SLC45A2: variants seen among roughly 807,000 people sequenced by gnomAD.
SLC45A2 encodes the protein membrane-associated transporter protein.
Under a neutral mutation model 45.5 loss-of-function variants are expected in SLC45A2, and 36 were observed. That is an observed-to-expected ratio of 0.79 (90% CI 0.61 to 1.04). The LOEUF is 1.04. SLC45A2 is among the 50% of genes least tolerant of loss of function. The pLI, the probability that SLC45A2 is intolerant of heterozygous loss-of-function variation, is 0.00. For missense variants in SLC45A2, 719 were observed against 671.0 expected (o/e 1.07, Z -0.79); for synonymous variants, 306 against 269.3 (o/e 1.14, Z -1.33).
chr5:33,971,199 AG>A, intron 2 of SLC45A2: 1 of 529,908 alleles, frequency 1.9e-6, no homozygotes, highest in Admixed American at 2.0e-5. Flanking sequence ...ATTTACCAAG[AG>A]AGGTGGAGCC....
chr5:33,949,851 C>A (rs1005574266), intron 5 of SLC45A2, among the ~76,000 whole-genome samples: 1 of 151,400 alleles, frequency 6.6e-6, no homozygotes, highest in Non-Finnish European at 1.5e-5. Flanking sequence ...TAGGAGTTCC[C>A]TGAGGAAAAA....
At chr5:33,953,211 G>A (rs1264457159) in intron 4 of SLC45A2, among the ~76,000 whole-genome samples, 5 of 146,852 alleles carry the variant, frequency 3.4e-5, no homozygotes, top group Non-Finnish European at 7.5e-5. Flanking sequence ...TATATACCCA[G>A]TAATGGGATG....
At chr5:33,982,141 CA>C (rs1419642572) in intron 2 of SLC45A2, 94 bp downstream of exon 2, 3 of 1,450,126 alleles carry the variant, frequency 2.1e-6, no homozygotes, top group Non-Finnish European at 2.9e-6. Context: ...CCCGTTCATT[CA>C]AAAAACTCCA....
In SLC45A2 at chr5:33,984,314, C is replaced by G. The variant is rs781431070; in HGVS notation, c.270G>C (p.Ser90=). 2.5e-6 allele frequency: 4 copies of G among 1,613,992 alleles called. No individual in the cohort carries two copies. The highest frequency in any genetic ancestry group is 3.4e-6 in the Non-Finnish European group (4 of 1,180,036). The change falls in exon 1 of 7, where the codon TCG becomes TCC. Residue 90 remains serine, a synonymous_variant. Transcript: ENST00000296589. ...ACCTGGACCGGCAGTGGTCGCTGGC[C>G]GATCCGACCACGGGCTGCAGCAGGA... ...LGFLLQPVVG[S]ASDHCRSRWG...
chr5:33,969,385 C>T (rs1252797307), intron 2 of SLC45A2, among the ~76,000 whole-genome samples: 3 of 152,060 alleles, frequency 2.0e-5, no homozygotes, highest in Non-Finnish European at 4.4e-5. Context: ...TACAAAGCAA[C>T]TTTTCTCTTC....
chr5:33,962,142 G>A (rs1390992883), intron 3 of SLC45A2, among the ~76,000 whole-genome samples: 2 of 152,122 alleles, frequency 1.3e-5, no homozygotes, highest in African/African-American at 4.8e-5. Flanking sequence ...GATCTGAACT[G>A]ATACATTGTT....
chr5:33,960,846 T>C (rs1345619765), intron 3 of SLC45A2, among the ~76,000 whole-genome samples: 1 of 152,204 alleles, frequency 6.6e-6, no homozygotes, highest in Non-Finnish European at 1.5e-5. Flanking sequence ...ATTGAAGCAG[T>C]GTTAATTTCT....
Position 33,983,159 on chromosome 5 carries a change from C to T in SLC45A2, c.386-747G>A, listed in dbSNP as rs147159763. Reference sequence around the variant, plus strand: ...GCCACATCTTTGAACAGCACTGATGCAGTAACCAACTTTCTTCATATAATT... The same window carrying T: ...GCCACATCTTTGAACAGCACTGATGTAGTAACCAACTTTCTTCATATAATT... On this transcript the variant is annotated intron_variant, in intron 1 of 6. Coordinates refer to ENST00000296589, the MANE Select transcript of SLC45A2 (RefSeq NM_016180.5). 5.9e-3 allele frequency among the ~76,000 whole-genome samples: 904 copies of T among 152,322 alleles called. 9 individuals are homozygous for T. The highest frequency in any genetic ancestry group is 0.021 in the African/African-American group (869 of 41,570).
chr5:33,952,358 T>C (rs1028214460), intron 4 of SLC45A2, among the ~76,000 whole-genome samples: 1 of 149,156 alleles, frequency 6.7e-6, no homozygotes, highest in Admixed American at 6.6e-5. Context: ...GCCCTATTTG[T>C]TGTATTTTTT....
At chr5:33,977,091 T>C (rs1035174676) in intron 2 of SLC45A2, among the ~76,000 whole-genome samples, 3 of 152,126 alleles carry the variant, frequency 2.0e-5, no homozygotes, top group African/African-American at 7.2e-5. Context: ...GGTGTTCATG[T>C]AAGAAAAGGA....
At chr5:33,979,891 T>C (rs561479529) in intron 2 of SLC45A2, among the ~76,000 whole-genome samples, 2 of 152,108 alleles carry the variant, frequency 1.3e-5, no homozygotes, top group African/African-American at 2.4e-5. Context: ...AATACTATCA[T>C]GTATTGGCCT....
Position 33,982,965 on chromosome 5 carries a change from A to T in SLC45A2, c.386-553T>A, listed in dbSNP as rs546485418. ...GACACACGTGTACAATGGTAGTCAA[A>T]CGCAGTGCTTCTCAAAGTCTGGCAT... On this transcript the variant is annotated intron_variant, in intron 1 of 6. Coordinates refer to ENST00000296589, the MANE Select transcript of SLC45A2 (RefSeq NM_016180.5). Among the ~76,000 whole-genome samples the T allele has an allele frequency of 5.6e-4, 85 of 152,324 alleles. 2 individuals are homozygous for T. The South Asian group carries it at 0.016, about 29-fold the overall frequency.
intron 2 of SLC45A2, chr5:33,971,916 C>A: frequency 5.4e-6 from 2 of 372,736 alleles, no homozygotes; most frequent in Admixed American, 3.2e-5. Context: ...TGAGAGCTAC[C>A]ACACCCAGTT....
intron 3 of SLC45A2, among the ~76,000 whole-genome samples, chr5:33,956,432 CAAGAG>C (rs1480393668): frequency 7.1e-6 from 1 of 141,630 alleles, no homozygotes; most frequent in African/African-American, 2.5e-5. Flanking sequence ...GCAGACAGGT[CAAGAG>C]AAAAGACCAT....
At chr5:33,969,293 TTAAAA>T (rs1180321430) in intron 2 of SLC45A2, among the ~76,000 whole-genome samples, 2 of 151,424 alleles carry the variant, frequency 1.3e-5, no homozygotes, top group African/African-American at 4.9e-5. Context: ...AAATTTTAAA[TTAAAA>T]TAAAAAAAAA....
chr5:33,971,134 C>G, intron 2 of SLC45A2: 1 of 530,610 alleles, frequency 1.9e-6, no homozygotes, highest in South Asian at 1.4e-5. Flanking sequence ...ACAAAAGTAG[C>G]TGAAGCCAGG....
intron 3 of SLC45A2, among the ~76,000 whole-genome samples, chr5:33,959,280 C>T (rs114444731): frequency 1.4e-3 from 212 of 152,190 alleles, no homozygotes; most frequent in African/African-American, 4.9e-3. Context: ...AGTAAACCTT[C>T]GGAAACATAC....
chr5:33,946,065 A>C (rs1751916393), intron 6 of SLC45A2: 1 of 985,302 alleles, frequency 1.0e-6, no homozygotes. Flanking sequence ...CAAGTAAATA[A>C]CATCCCCAGT....
At chr5:33,951,753 A>C in intron 4 of SLC45A2, 76 bp from the exon 5 acceptor site, 3 of 1,578,944 alleles carry the variant, frequency 1.9e-6, no homozygotes, top group Non-Finnish European at 2.6e-6. Context: ...CTGCTTCTCC[A>C]CCTCTGGGGA....
Sources: gnomAD v4.1 joint callset for allele counts (sites outside exome capture counted in the v4.1 genomes callset) on GRCh38, gnomAD v4.1.1 for gene constraint, MANE v1.5 for transcripts, NCBI Gene and HGNC (gene_info 2026-07-23, HGNC 2026-07-21) for gene names.